Variants in PARD3 observed in about 807,000 individuals in gnomAD.
The protein encoded by PARD3 is par-3 family cell polarity regulator, also known as partitioning defective 3 homolog.
PARD3 carries 75 observed loss-of-function variants against 155.4 expected under a neutral mutation model. That is an observed-to-expected ratio of 0.48 (90% confidence interval 0.40 to 0.58). The LOEUF (loss-of-function observed/expected upper bound fraction) is 0.58. Among genes scored for constraint, PARD3 ranks in the 20% least tolerant of loss-of-function variants. PARD3 has a pLI of 0.00. For synonymous variants in PARD3, 576 were observed against 610.5 expected, an observed-to-expected ratio of 0.94 and a Z score of 0.83; for missense variants, 1,642 against 1,721.7, an observed-to-expected ratio of 0.95 and a Z score of 0.82.
intron 20 of PARD3, among the ~76,000 whole-genome samples, chr10:34,308,695 T>C (rs1448250681): frequency 1.3e-5 from 2 of 152,130 alleles, no homozygotes; most frequent in East Asian, 3.9e-4. Context: ...AAACTACAAA[T>C]GAAGAGTTCC....
In PARD3 at chr10:34,413,142, TATAC is replaced by T. The variant is rs1327089307; in HGVS notation, c.715-11229_715-11226del. Among the ~76,000 whole-genome samples, 78 of 132,550 alleles carry T rather than the reference TATAC, an allele frequency of 5.9e-4. 1 individual carries two copies. Among genetic ancestry groups the T allele is most frequent in the Middle Eastern group, 3.7e-3 (1 of 272 alleles). The allele number at this position is 132,550 out of a possible 152,430, so 87.0% of individuals were successfully genotyped here. A position where few individuals can be genotyped will look rare whatever the true frequency, so the allele number is the denominator to read the frequency against. On this transcript the variant is annotated intron_variant, in intron 5 of 24. Coordinates refer to ENST00000374788, the MANE Select transcript of PARD3 (RefSeq NM_001184785.2). ...AACATTAGGCAGTACTTCAGATATA[TATAC>T]ACACACACACACACACACACACACA...
Position 34,697,153 on chromosome 10 carries a change from G to A in PARD3, c.121-734C>T, listed in dbSNP as rs975709105. On this transcript the variant is annotated intron_variant, in intron 1 of 24. Transcript: ENST00000374788. ...TTTTATACACTTCTATATGGTGTAC[G>A]TATATTTTAAAATCCTTAAAACTCT... Among the ~76,000 whole-genome samples, 3 of 152,064 alleles carry A rather than the reference G, an allele frequency of 2.0e-5. No homozygotes were observed. In the East Asian group the frequency reaches 5.8e-4, roughly 29 times the overall value.
chr10:34,717,669 C>T (rs867217213), intron 1 of PARD3, among the ~76,000 whole-genome samples: 24 of 151,894 alleles, frequency 1.6e-4, no homozygotes, highest in African/African-American at 4.8e-4. Flanking sequence ...AGAGCGTCCA[C>T]GTGGCTACTA....
chr10:34,749,572 C>G (rs1835731929), intron 1 of PARD3, among the ~76,000 whole-genome samples: 1 of 151,768 alleles, frequency 6.6e-6, no homozygotes, highest in African/African-American at 2.4e-5. Context: ...CTAGGAAATA[C>G]TTAGCAAACA....
intron 22 of PARD3, among the ~76,000 whole-genome samples, chr10:34,210,233 A>G (rs749432272): frequency 6.6e-6 from 1 of 151,214 alleles, no homozygotes; most frequent in Non-Finnish European, 1.5e-5. Flanking sequence ...ACATGTATGT[A>G]TGTGTGTGTG....
At chr10:34,648,771 A>C (rs2092921277) in intron 2 of PARD3, among the ~76,000 whole-genome samples, 2 of 152,150 alleles carry the variant, frequency 1.3e-5, no homozygotes, top group Admixed American at 6.5e-5. Flanking sequence ...TATAAACAAT[A>C]CTACACAATG....
chr10:34,769,756 A>G (rs1166929898), intron 1 of PARD3, among the ~76,000 whole-genome samples: 1 of 148,198 alleles, frequency 6.7e-6, no homozygotes, highest in African/African-American at 2.5e-5. Flanking sequence ...GAGAGAGACC[A>G]TGTCTTTAAA....
chr10:34,787,465 C>T (rs1415193093), intron 1 of PARD3, among the ~76,000 whole-genome samples: 1 of 152,060 alleles, frequency 6.6e-6, no homozygotes, highest in African/African-American at 2.4e-5. Flanking sequence ...TACCCACGTC[C>T]GTAAGAAGGT....
chr10:34,743,912 C>T (rs1449135274), intron 1 of PARD3, among the ~76,000 whole-genome samples: 1 of 152,134 alleles, frequency 6.6e-6, no homozygotes, highest in African/African-American at 2.4e-5. Flanking sequence ...CCATATATAG[C>T]AGTGCTGGGC....
At chr10:34,112,709 G>A (rs560317057) in intron 24 of PARD3, among the ~76,000 whole-genome samples, 41 of 152,234 alleles carry the variant, frequency 2.7e-4, no homozygotes, top group Non-Finnish European at 4.1e-4. Flanking sequence ...TCTCCCGCAG[G>A]AATGATGCAA....
At chr10:34,788,525 C>G (rs1841264709) in intron 1 of PARD3, among the ~76,000 whole-genome samples, 1 of 151,654 alleles carries the variant, frequency 6.6e-6, no homozygotes, top group African/African-American at 2.4e-5. Flanking sequence ...TCGCGGCTCA[C>G]TGCAAACTCC....
At chr10:34,136,966 G>T (rs1317689842) in intron 22 of PARD3, among the ~76,000 whole-genome samples, 1 of 152,120 alleles carries the variant, frequency 6.6e-6, no homozygotes, top group Non-Finnish European at 1.5e-5. Context: ...TCACTTCCCT[G>T]TGGCAGAACA....
intron 2 of PARD3, among the ~76,000 whole-genome samples, chr10:34,651,405 G>C (rs531174295): frequency 1.3e-5 from 2 of 152,312 alleles, no homozygotes; most frequent in East Asian, 3.9e-4. Flanking sequence ...ATAAAGAAGA[G>C]AAAGTGGGAA....
At chr10:34,167,039 T>C (rs1949562120) in intron 22 of PARD3, among the ~76,000 whole-genome samples, 4 of 152,204 alleles carry the variant, frequency 2.6e-5, no homozygotes, top group Admixed American at 6.5e-5. Context: ...GATGTAAACC[T>C]GCTGTACCAC....
intron 2 of PARD3, among the ~76,000 whole-genome samples, chr10:34,625,828 T>A (rs1346483578): frequency 6.6e-6 from 1 of 152,034 alleles, no homozygotes; most frequent in East Asian, 1.9e-4. Context: ...GGAGAATAGC[T>A]TGAACTGGGG....
intron 2 of PARD3, among the ~76,000 whole-genome samples, chr10:34,553,586 T>C (rs181497637): frequency 6.6e-6 from 1 of 152,122 alleles, no homozygotes; most frequent in Non-Finnish European, 1.5e-5. Flanking sequence ...GCATGTTGGG[T>C]TCTCATGGAA....
chr10:34,470,210 T>A lies in PARD3; in HGVS notation c.457A>T (p.Thr153Ser). 1 of 1,612,966 alleles carries A rather than the reference T, an allele frequency of 6.2e-7. No homozygotes were observed. Among genetic ancestry groups the A allele is most frequent in the African/African-American group, 1.3e-5 (1 of 74,994 alleles). The change falls in exon 4 of 25, where the codon ACT becomes TCT. Residue 153 changes from threonine to serine, a missense_variant. This residue lies in a region of PARD3 where 1,529 missense variants were observed against 1,587.3 expected (regional missense o/e 0.96). Transcript: ENST00000374788. Reference protein sequence around the residue: ...SSDPALIGLSTSVSDSNFSSE... With the variant: ...SSDPALIGLSSSVSDSNFSSE... ...GAAAAATTACTATCACTGACAGAAGTGGAGAGGCCAATTAGAGCTGGGTCA... is the reference window on the plus strand; with the variant it reads ...GAAAAATTACTATCACTGACAGAAGAGGAGAGGCCAATTAGAGCTGGGTCA...
chr10:34,651,715 G>A (rs2093019636), intron 2 of PARD3, among the ~76,000 whole-genome samples: 1 of 152,204 alleles, frequency 6.6e-6, no homozygotes, highest in Non-Finnish European at 1.5e-5. Flanking sequence ...TAGTTACTTA[G>A]ACCCATTTCA....
chr10:34,344,163 A>C (rs1455970221), intron 15 of PARD3: 2 of 984,034 alleles, frequency 2.0e-6, no homozygotes, highest in East Asian at 1.1e-4. Flanking sequence ...AGAAATAGTT[A>C]AAGTCCCAGG....
Sources: allele counts gnomAD v4.1 joint callset (sites outside exome capture counted in the v4.1 genomes callset), GRCh38; gene constraint gnomAD v4.1.1; regional missense constraint gnomAD v4.1.1; transcripts MANE v1.5; gene names NCBI Gene and HGNC (gene_info 2026-07-23, HGNC 2026-07-21).